Variants in BAG3 observed in about 807,000 individuals in gnomAD.
BAG3 encodes the protein BAG cochaperone 3.
A neutral mutation model predicts 40.5 loss-of-function variants in BAG3; 14 were observed. That is an observed-to-expected ratio of 0.35 (90% confidence interval 0.23 to 0.54). The LOEUF (loss-of-function observed/expected upper bound fraction) is 0.54. Ranked by LOEUF, BAG3 falls within the 20% of genes least tolerant of loss-of-function variation. The pLI is 0.91. For synonymous variants in BAG3, 302 were observed against 307.8 expected, an observed-to-expected ratio of 0.98 and a Z score of 0.20; for missense variants, 788 against 758.6, an observed-to-expected ratio of 1.04 and a Z score of -0.46.
Position 119,672,669 on chromosome 10 carries a change from A to AGT in BAG3, c.909+14_909+15dup, listed in dbSNP as rs763809784. 18 of 1,610,784 alleles carry AGT rather than the reference A, an allele frequency of 1.1e-5. No individual in the cohort carries two copies. The East Asian group carries it at 3.8e-4, about 34-fold the overall frequency. On this transcript the variant is annotated intron_variant, in intron 3 of 3. Coordinates refer to ENST00000369085, the MANE Select transcript of BAG3 (RefSeq NM_004281.4). This position sits in a 1 kb window ranked among gnomAD's most constrained non-coding sequence, Gnocchi z 4.8. ...CGACAGGCCTCAGGTACGGGAAGTTAGTCGTCAGCAGACTGGTTATGGTGG... is the reference window on the plus strand; with the variant it reads ...CGACAGGCCTCAGGTACGGGAAGTTAGTGTCGTCAGCAGACTGGTTATGGTGG...
rs375488756 is a variant in BAG3, at chr10:119,677,525, G to C, written c.*243G>C. The stretch of plus-strand genomic sequence containing the variant: ...GAGAAGTTTAACCCCGTTGCTTGTT[G>C]TTCTGCAGCCCTGTCTACTTGGGCA... On this transcript the variant is annotated 3_prime_UTR_variant, in exon 4 of 4. Coordinates refer to ENST00000369085, the MANE Select transcript of BAG3 (RefSeq NM_004281.4). 4.0e-6 allele frequency: 2 copies of C among 499,024 alleles called. No individual in the cohort carries two copies. Among genetic ancestry groups the C allele is most frequent in the Non-Finnish European group, 7.3e-6 (2 of 273,750 alleles). 30.9% of individuals were successfully genotyped at this position (499,024 alleles called of 1,614,324 possible).
intron 1 of BAG3, among the ~76,000 whole-genome samples, chr10:119,665,092 T>TTGTGTGTG (rs1554876557): frequency 1.7e-4 from 15 of 88,000 alleles, no homozygotes; most frequent in South Asian, 7.3e-4. Context: ...TAATTTTTGT[T>TTGTGTGTG]TGTGTGTGTG....
intron 2 of BAG3, among the ~76,000 whole-genome samples, chr10:119,670,629 G>C (rs1367836003): frequency 6.6e-6 from 1 of 152,110 alleles, no homozygotes; most frequent in Non-Finnish European, 1.5e-5. Context: ...AATCTTAACC[G>C]CTTGTGGAGC....
intron 1 of BAG3, among the ~76,000 whole-genome samples, chr10:119,663,592 A>G (rs1043311537): frequency 3.3e-5 from 5 of 152,052 alleles, no homozygotes; most frequent in African/African-American, 1.2e-4. Flanking sequence ...GGGATTACAG[A>G]CATGAACCAC....
chr10:119,664,657 G>A (rs1033116824), intron 1 of BAG3, among the ~76,000 whole-genome samples: 2 of 152,096 alleles, frequency 1.3e-5, no homozygotes, highest in African/African-American at 2.4e-5. Context: ...CCGAGCTCCC[G>A]CTTGAATCAG....
intron 1 of BAG3, among the ~76,000 whole-genome samples, chr10:119,660,632 GC>G (rs1446265964): frequency 3.9e-5 from 6 of 152,040 alleles, no homozygotes; most frequent in Non-Finnish European, 5.9e-5. Context: ...GATCACTTGA[GC>G]CCGGGAGTTC....
rs2134065189 is a variant in BAG3 at position 119,672,429 on chromosome 10, G to C, written c.682G>C (p.Ala228Pro). Reference protein sequence around the residue: ...RPAAQPSFHQAQKTHYPAQQG... With the variant: ...RPAAQPSFHQPQKTHYPAQQG... ...AGCAGCCCAGCCCTCCTTCCACCAA[G>C]CCCAGAAGACGCACTACCCAGCGCA... Residue 228 changes from alanine to proline, a missense_variant, in exon 3 of 4, where the codon GCC (alanine) becomes CCC (proline). Ala to Pro is a conservative substitution (Grantham distance 27). Transcript: ENST00000369085. The surrounding 1 kb of genome is among the most constrained non-coding windows in gnomAD (Gnocchi z 4.8). 1 of 1,614,212 alleles carries C rather than the reference G, an allele frequency of 6.2e-7. No homozygotes were observed. Among genetic ancestry groups the C allele is most frequent in the Non-Finnish European group, 8.5e-7 (1 of 1,180,046 alleles).
intron 1 of BAG3, among the ~76,000 whole-genome samples, chr10:119,667,038 A>G (rs1847077573): frequency 6.6e-6 from 1 of 152,070 alleles, no homozygotes; most frequent in Non-Finnish European, 1.5e-5. Context: ...GTACAGTGGC[A>G]TGATCTCAGC....
At chr10:119,655,893 G>GT (rs929032730) in intron 1 of BAG3, among the ~76,000 whole-genome samples, 1 of 152,034 alleles carries the variant, frequency 6.6e-6, no homozygotes, top group African/African-American at 2.4e-5. Context: ...CTGCGGCAGC[G>GT]TTTGACGTTG....
rs1437206369 is a variant in BAG3 at position 119,672,998 on chromosome 10, C to T, written c.909+342C>T. Among the ~76,000 whole-genome samples, 1 of 152,160 alleles carries T rather than the reference C, an allele frequency of 6.6e-6. No individual in the cohort carries two copies. The highest frequency in any genetic ancestry group is 1.5e-5 in the Non-Finnish European group (1 of 68,024). On this transcript the variant is annotated intron_variant, in intron 3 of 3. Coordinates refer to ENST00000369085, the MANE Select transcript of BAG3 (RefSeq NM_004281.4). The surrounding 1 kb of genome is among the most constrained non-coding windows in gnomAD (Gnocchi z 4.8). The stretch of plus-strand genomic sequence containing the variant: ...GCTCTTCACACCCCCATCCACACCG[C>T]AGCCACAGCCTCACCTTGGGTGTAG...
intron 1 of BAG3, among the ~76,000 whole-genome samples, chr10:119,660,710 A>C (rs116724335): frequency 6.6e-6 from 1 of 151,952 alleles, no homozygotes; most frequent in Non-Finnish European, 1.5e-5. Flanking sequence ...ATATTTTTTT[A>C]AAAAAAGAAT....
At chr10:119,669,316 A>G (rs196325) in intron 1 of BAG3, among the ~76,000 whole-genome samples, 84,178 of 152,012 alleles carry the variant, frequency 0.55, 24,008 homozygotes, top group Middle Eastern at 0.67. Flanking sequence ...TGTTCTAACA[A>G]TACTCCTGAG....
chr10:119,652,258 C>G (rs1171131562), intron 1 of BAG3, among the ~76,000 whole-genome samples: 2 of 152,054 alleles, frequency 1.3e-5, no homozygotes, highest in Admixed American at 1.3e-4. Context: ...CCCGCTCGGC[C>G]TCCGGGCCCG....
At chr10:119,660,832 G>A (rs189795589) in intron 1 of BAG3, among the ~76,000 whole-genome samples, 101 of 150,920 alleles carry the variant, frequency 6.7e-4, no homozygotes, top group African/African-American at 2.4e-3. Flanking sequence ...GGTGGCTCAC[G>A]GCTGTCATCC....
chr10:119,676,361 A>G, intron 3 of BAG3, 103 bp from the exon 4 acceptor site: 1 of 1,279,996 alleles, frequency 7.8e-7, no homozygotes, highest in African/African-American at 1.5e-5. Flanking sequence ...AACTTTTTTT[A>G]AAAAGCCATT....
At chr10:119,663,001 C>T (rs1419792166) in intron 1 of BAG3, among the ~76,000 whole-genome samples, 1 of 152,172 alleles carries the variant, frequency 6.6e-6, no homozygotes, top group Admixed American at 6.5e-5. Flanking sequence ...GGCGACAGAG[C>T]GAGACTCTGT....
chr10:119,668,507 A>G (rs1847098593), intron 1 of BAG3, among the ~76,000 whole-genome samples: 1 of 152,234 alleles, frequency 6.6e-6, no homozygotes, highest in Admixed American at 6.5e-5. Flanking sequence ...AATGACACTT[A>G]TCAGTAGCTC....
intron 3 of BAG3, among the ~76,000 whole-genome samples, chr10:119,674,360 G>C (rs1847190611): frequency 6.6e-6 from 1 of 152,118 alleles, no homozygotes; most frequent in South Asian, 2.1e-4. Context: ...AGCAATCCTA[G>C]GAGGGTCCCA....
At chr10:119,667,874 C>A (rs1847088050) in intron 1 of BAG3, among the ~76,000 whole-genome samples, 1 of 152,230 alleles carries the variant, frequency 6.6e-6, no homozygotes, top group African/African-American at 2.4e-5. Context: ...CTAATGCAGG[C>A]TCCGATTTCG....
Sources: gnomAD v4.1 joint callset for allele counts (sites outside exome capture counted in the v4.1 genomes callset) on GRCh38, gnomAD v4.1.1 for gene constraint, Gnocchi (gnomAD v3.1) non-coding constraint, MANE v1.5 for transcripts, NCBI Gene and HGNC (gene_info 2026-07-23, HGNC 2026-07-21) for gene names.